Variants in ETNK1 observed in about 807,000 individuals in gnomAD.
ETNK1 encodes putative protein product of Nbla10396.
Under a neutral mutation model 45.1 loss-of-function variants are expected in ETNK1, and 8 were observed. That is an observed-to-expected ratio of 0.18 (90% CI 0.10 to 0.32). The LOEUF is 0.32. Among genes scored for constraint, ETNK1 ranks in the 10% least tolerant of loss-of-function variants. The pLI is 1.00. For synonymous variants in ETNK1, 152 were observed against 151.9 expected (o/e 1.00, Z -0.01); for missense variants, 302 against 430.6 (o/e 0.70, Z 2.64).
chr12:22,628,719 C>T lies in ETNK1; in HGVS notation c.156+3133C>T, dbSNP rs370554519. 1.1e-3 allele frequency among the ~76,000 whole-genome samples: 174 copies of T among 152,098 alleles called. 2 individuals carry two copies. Among genetic ancestry groups the T allele is most frequent in the African/African-American group, 4.1e-3 (169 of 41,522 alleles). Reference sequence around the variant, plus strand: ...TCTTTCTGTTTGCAGTATTAAGCAACGTTGTTTTTCTCACTAACTTGTCAC... The same window carrying T: ...TCTTTCTGTTTGCAGTATTAAGCAATGTTGTTTTTCTCACTAACTTGTCAC... On this transcript the variant is annotated intron_variant, in intron 1 of 7. Coordinates refer to ENST00000266517, the MANE Select transcript of ETNK1 (RefSeq NM_018638.5).
rs756790376 is a variant in ETNK1, at chr12:22,673,675, A to G, written c.945+15A>G. The G allele has an allele frequency of 6.9e-6, 11 of 1,595,650 alleles. No homozygotes were observed. Among genetic ancestry groups the G allele is most frequent in the Non-Finnish European group, 9.4e-6 (11 of 1,167,738 alleles). The stretch of plus-strand genomic sequence containing the variant: ...AGTTTGCATTGGTAAGTTTAAATGT[A>G]CACAATTAATGAAAGGTTCTTACTG... On this transcript the variant is annotated intron_variant, in intron 6 of 7. Coordinates refer to ENST00000266517, the MANE Select transcript of ETNK1 (RefSeq NM_018638.5).
rs543185232 is a variant in ETNK1, at chr12:22,685,236, G to A, written c.*282G>A. The A allele has an allele frequency of 4.3e-5, 11 of 255,002 alleles. No individual in the cohort carries two copies. Among genetic ancestry groups the A allele is most frequent in the Admixed American group, 2.5e-4 (5 of 19,618 alleles). The allele number at this position is 255,002 out of a possible 1,614,324, so 15.8% of individuals were successfully genotyped here. ...TTTGATAATTTAACCTATGTTGTAT[G>A]TGAATTATTTATTATAAACTTAGCA... On this transcript the variant is annotated 3_prime_UTR_variant, in exon 8 of 8. Coordinates refer to ENST00000266517, the MANE Select transcript of ETNK1 (RefSeq NM_018638.5).
chr12:22,684,513 T>C lies in ETNK1; in HGVS notation c.976T>C (p.Leu326=). ...TCATTTCTTTTGGGGATTGTGGGCT[T>C]TGATTCAAGCCAAATACTCCACTAT... ...ASHFFWGLWA[L]IQAKYSTIEF... is the part of the protein sequence containing the mutation. The change falls in exon 7 of 8, where the codon TTG becomes CTG. Residue 326 remains leucine (L), a synonymous_variant. Coordinates refer to ENST00000266517, the MANE Select transcript of ETNK1 (RefSeq NM_018638.5). 2 of 1,611,292 alleles carry C rather than the reference T, an allele frequency of 1.2e-6. No individual in the cohort carries two copies. The highest frequency in any genetic ancestry group is 1.7e-6 in the Non-Finnish European group (2 of 1,178,626).
intron 2 of ETNK1, among the ~76,000 whole-genome samples, chr12:22,647,984 T>C (rs1050251830): frequency 5.3e-5 from 8 of 151,954 alleles, no homozygotes; most frequent in Non-Finnish European, 1.0e-4. Flanking sequence ...TTAATTACCT[T>C]CTTATATATA....
chr12:22,625,551 C>A lies in ETNK1; in HGVS notation c.121C>A (p.Arg41=). Reference sequence around the variant, plus strand: ...GGCCCTGAGCCTCCTGCAACACCTGCGGCCTCACTGGGACCCCCAGGAGGT... The same window carrying A: ...GGCCCTGAGCCTCCTGCAACACCTGAGGCCTCACTGGGACCCCCAGGAGGT... The part of the protein sequence containing the change: ...EGALSLLQHL[R]PHWDPQEVTL... Residue 41 remains arginine, a synonymous_variant, in exon 1 of 8, where the codon CGG becomes AGG. Transcript: ENST00000266517. 6.2e-7 allele frequency: 1 copy of A among 1,602,766 alleles called. No homozygotes were observed. Among genetic ancestry groups the A allele is most frequent in the Non-Finnish European group, 8.5e-7 (1 of 1,175,158 alleles).
At chr12:22,644,440 TATTTA>T (rs781353924) in intron 2 of ETNK1, 64 of 1,031,982 alleles carry the variant, frequency 6.2e-5, no homozygotes, top group Non-Finnish European at 7.5e-5. Flanking sequence ...CGTTGTTCAT[TATTTA>T]ATTTAATATA....
intron 6 of ETNK1, among the ~76,000 whole-genome samples, chr12:22,674,771 T>C (rs1002230153): frequency 1.1e-4 from 16 of 152,224 alleles, no homozygotes; most frequent in Non-Finnish European, 4.4e-5. Flanking sequence ...AGAAAGCTGA[T>C]TTGGATTTCC....
Position 22,659,135 on chromosome 12 carries a change from G to A in ETNK1, c.538G>A (p.Asp180Asn). 6.2e-7 allele frequency: 1 copy of A among 1,613,072 alleles called. No individual in the cohort carries two copies. Among genetic ancestry groups the A allele is most frequent in the South Asian group, 1.1e-5 (1 of 90,830 alleles). The change falls in exon 3 of 8, where the codon GAT (aspartate) becomes AAT (asparagine). Residue 180 changes from aspartate to asparagine, a missense_variant. Physicochemically the swap from Asp to Asn is conservative, Grantham distance 23. Coordinates refer to ENST00000266517, the MANE Select transcript of ETNK1 (RefSeq NM_018638.5). ...CTCTCTCATTCCCACAGGATTTGCA[G>A]ATGAAGACATTAATAAAAGGTAAAA... Reference protein sequence around the residue: ...YFSLIPTGFADEDINKRFLSD... With the variant: ...YFSLIPTGFANEDINKRFLSD...
chr12:22,686,337 G>A lies in ETNK1; in HGVS notation c.*1383G>A, dbSNP rs1312293968. 1 of 152,262 alleles carries A rather than the reference G, an allele frequency of 6.6e-6. No homozygotes were observed. The highest frequency in any genetic ancestry group is 1.9e-4 in the East Asian group (1 of 5,186). The allele number at this position is 152,262 out of a possible 1,614,324, so 9.4% of individuals were successfully genotyped here. ...TTAACTTTACTTAGAAAATTAGTCT[G>A]ACAAGCTTTGCACTTCGGTCACATA... On this transcript the variant is annotated 3_prime_UTR_variant, in exon 8 of 8. Coordinates refer to ENST00000266517, the MANE Select transcript of ETNK1 (RefSeq NM_018638.5).
At chr12:22,684,785 CTT>C (rs1422225618) in intron 7 of ETNK1, 95 bp from the exon 8 acceptor site, 22 of 1,010,844 alleles carry the variant, frequency 2.2e-5, no homozygotes, top group Non-Finnish European at 2.8e-5. Context: ...AAATCTTAAA[CTT>C]TAAGAAAACC....
intron 5 of ETNK1, among the ~76,000 whole-genome samples, chr12:22,671,799 A>G (rs1252152842): frequency 6.7e-6 from 1 of 149,708 alleles, no homozygotes; most frequent in Non-Finnish European, 1.5e-5. Flanking sequence ...AGATCGCGCT[A>G]CTGCACTCCA....
At chr12:22,638,630 T>C (rs1460735623) in intron 1 of ETNK1, 1 of 152,180 alleles carries the variant, frequency 6.6e-6, no homozygotes, top group Non-Finnish European at 1.5e-5. Flanking sequence ...TATTATATTA[T>C]ATAATTCTCT....
At chr12:22,626,127 G>A in intron 1 of ETNK1, 1 of 286,224 alleles carries the variant, frequency 3.5e-6, no homozygotes, top group Non-Finnish European at 7.0e-6. Flanking sequence ...TTCTTAGGCA[G>A]CACCACACAC....
At position 22,643,807 on chromosome 12, in the gene ETNK1, G is replaced by T; in HGVS notation, c.201G>T (p.Val67=). ...GITNKLIGCY[V]GNTMEDVVLV... ...CAAATAAACTTATTGGCTGTTACGT[G>T]GGAAACACCATGGAGGATGTAGTCC... is the stretch of plus-strand genomic sequence containing the variant. Residue 67 remains valine, a synonymous_variant, in exon 2 of 8, where the codon GTG becomes GTT. Transcript: ENST00000266517. 6.2e-7 allele frequency: 1 copy of T among 1,613,024 alleles called. No homozygotes were observed. The highest frequency in any genetic ancestry group is 8.5e-7 in the Non-Finnish European group (1 of 1,179,270).
chr12:22,660,792 C>T (rs1158866941), intron 3 of ETNK1, among the ~76,000 whole-genome samples: 1 of 151,764 alleles, frequency 6.6e-6, no homozygotes, highest in Non-Finnish European at 1.5e-5. Context: ...TAACTATTAC[C>T]TATATATATT....
intron 1 of ETNK1, among the ~76,000 whole-genome samples, chr12:22,643,009 C>T (rs1338256179): frequency 6.6e-6 from 1 of 151,886 alleles, no homozygotes; most frequent in African/African-American, 2.4e-5. Context: ...TTGACAAGCC[C>T]CAAAAGTCTT....
chr12:22,625,392 G>T lies in ETNK1; in HGVS notation c.-39G>T. ...GCCCGCCGTTCTCGTGGTCGCCGTC[G>T]CCGTCGTCGTGGTGGTAGTCTCCGC... is the stretch of plus-strand genomic sequence containing the variant. On this transcript the variant is annotated 5_prime_UTR_variant, in exon 1 of 8. Transcript: ENST00000266517. 6.5e-7 allele frequency: 1 copy of T among 1,550,170 alleles called. No homozygotes were observed.
At chr12:22,631,091 A>G (rs1306100785) in intron 1 of ETNK1, among the ~76,000 whole-genome samples, 1 of 152,144 alleles carries the variant, frequency 6.6e-6, no homozygotes, top group Non-Finnish European at 1.5e-5. Flanking sequence ...GTGTCTTGAG[A>G]CCATTACAGT....
chr12:22,639,512 A>C (rs1291910545), intron 1 of ETNK1, among the ~76,000 whole-genome samples: 1 of 152,188 alleles, frequency 6.6e-6, no homozygotes, highest in Non-Finnish European at 1.5e-5. Context: ...CCCCATCTCT[A>C]CTAAAAATAC....
Sources: gnomAD v4.1 joint callset for allele counts (sites outside exome capture counted in the v4.1 genomes callset) on GRCh38, gnomAD v4.1.1 for gene constraint, MANE v1.5 for transcripts, NCBI Gene and HGNC (gene_info 2026-07-23, HGNC 2026-07-21) for gene names.